The following CAPN8 variants were observed in gnomAD, a reference collection of about 807,000 sequenced individuals.
CAPN8 encodes calpain 8.
A neutral mutation model predicts 80.9 loss-of-function variants in CAPN8; 87 were observed. The ratio of observed to expected loss-of-function variants is 1.07; its 90% CI spans 0.90 to 1.28. CAPN8 has a LOEUF of 1.28. CAPN8 is among the 50% of genes most tolerant of loss of function. The pLI, the probability that CAPN8 is intolerant of heterozygous loss-of-function variation, is 0.00. For missense variants in CAPN8, 757 were observed against 702.0 expected (o/e 1.08, Z -0.89); for synonymous variants, 299 against 273.8 (o/e 1.09, Z -0.91).
intron 9 of CAPN8, among the ~76,000 whole-genome samples, chr1:223,618,710 C>T (rs1657280598): frequency 6.6e-6 from 1 of 152,200 alleles, no homozygotes. Flanking sequence ...GTGGAAAGCA[C>T]GTCCTTTGCG....
At chr1:223,615,229 T>C (rs995261155) in intron 10 of CAPN8, among the ~76,000 whole-genome samples, 7 of 152,240 alleles carry the variant, frequency 4.6e-5, no homozygotes, top group Non-Finnish European at 8.8e-5. Context: ...ATTCCTTTAA[T>C]AAAATTGATT....
chr1:223,617,280 TG>T (rs34694834), intron 9 of CAPN8: 27,026 of 137,288 alleles, frequency 0.2, 2,645 homozygotes, highest in Middle Eastern at 0.26. Context: ...ACTTTTTTTT[TG>T]GGGGGGGGGG....
intron 10 of CAPN8, 68 bp downstream of exon 10, chr1:223,615,902 G>T: frequency 1.3e-6 from 2 of 1,522,862 alleles, no homozygotes; most frequent in South Asian, 1.2e-5. Flanking sequence ...GTGCTACAAT[G>T]ACTGGCCAAG....
intron 20 of CAPN8, among the ~76,000 whole-genome samples, chr1:223,542,269 GTA>G (rs72402922): frequency 0.33 from 50,004 of 150,628 alleles, 8,445 homozygotes; most frequent in African/African-American, 0.4. Context: ...TTCTATATGT[GTA>G]TATATATATA....
At chr1:223,631,136 G>T (rs147671518) in intron 2 of CAPN8, among the ~76,000 whole-genome samples, 1 of 152,068 alleles carries the variant, frequency 6.6e-6, no homozygotes, top group East Asian at 1.9e-4. Context: ...TACCCTGGTC[G>T]TTTTCATTGA....
intron 2 of CAPN8, among the ~76,000 whole-genome samples, chr1:223,641,359 C>CTTT (rs72015720): frequency 1.4e-4 from 21 of 147,440 alleles, no homozygotes; most frequent in Admixed American, 4.0e-4. Context: ...CTGATCAAGC[C>CTTT]TTTTTTTAAA....
chr1:223,623,768 G>A (rs1657473978), intron 6 of CAPN8, among the ~76,000 whole-genome samples: 1 of 152,132 alleles, frequency 6.6e-6, no homozygotes, highest in Admixed American at 6.5e-5. Flanking sequence ...GGCCGAGGTG[G>A]GCAGATCATG....
chr1:223,625,985 G>C lies in CAPN8; in HGVS notation c.730-97C>G. 8.6e-6 allele frequency: 8 copies of C among 925,170 alleles called. No homozygotes were observed. In the South Asian group the frequency reaches 1.1e-4, roughly 13 times the overall value. The allele number at this position is 925,170 out of a possible 1,614,324, so 57.3% of individuals were successfully genotyped here. ...AGGACACACTACACAGCCACTGGGG[G>C]CTTCAGTGTGGGACTAGGGGTGTAG... On this transcript the variant is annotated intron_variant, in intron 5 of 20. Coordinates refer to ENST00000366872, the MANE Select transcript of CAPN8 (RefSeq NM_001143962.2).
chr1:223,554,458 A>C (rs1403322362), intron 13 of CAPN8, among the ~76,000 whole-genome samples: 2 of 152,108 alleles, frequency 1.3e-5, no homozygotes, highest in African/African-American at 4.8e-5. Flanking sequence ...CATTTCTACA[A>C]AAAATACAAA....
intron 6 of CAPN8, 72 bp from the exon 7 acceptor site, chr1:223,622,972 G>T: frequency 2.5e-6 from 3 of 1,196,154 alleles, no homozygotes; most frequent in South Asian, 1.3e-5. Flanking sequence ...GTCTGCACCT[G>T]ACAGGATCTG....
chr1:223,616,633 G>T (rs1013908106), intron 9 of CAPN8, among the ~76,000 whole-genome samples: 1 of 152,168 alleles, frequency 6.6e-6, no homozygotes, highest in South Asian at 2.1e-4. Flanking sequence ...AGGTCTCTCC[G>T]TGACACTATT....
At chr1:223,545,560 G>C (rs1192395480) in intron 16 of CAPN8, among the ~76,000 whole-genome samples, 1 of 152,170 alleles carries the variant, frequency 6.6e-6, no homozygotes, top group Non-Finnish European at 1.5e-5. Flanking sequence ...GCAATATCGT[G>C]AATACCCTAA....
chr1:223,614,775 C>T (rs1045960798), intron 10 of CAPN8, among the ~76,000 whole-genome samples: 1 of 152,212 alleles, frequency 6.6e-6, no homozygotes, highest in Non-Finnish European at 1.5e-5. Context: ...ATAATAGATG[C>T]TCACTACAGT....
chr1:223,619,552 T>C, intron 8 of CAPN8, 99 bp from the exon 9 acceptor site: 2 of 1,296,212 alleles, frequency 1.5e-6, no homozygotes, highest in Non-Finnish European at 2.1e-6. Flanking sequence ...GCACAGGCCC[T>C]AGAGGCCGTG....
In CAPN8 at chr1:223,665,626, A is replaced by G; in HGVS notation, c.21T>C (p.Gly7=). The G allele has an allele frequency of 6.4e-7, 1 of 1,551,406 alleles. No homozygotes were observed. Among genetic ancestry groups the G allele is most frequent in the Non-Finnish European group, 8.7e-7 (1 of 1,146,964 alleles). ...GAGTGGCTGCCCGCTGCCTAGATAC[A>G]CCAGCTGCCTGGGCTGCCATGGCCG... MAAQAA[G]VSRQRAATQG... Residue 7 remains glycine, a synonymous_variant, in exon 1 of 21, where the codon GGT becomes GGC. Coordinates refer to ENST00000366872, the MANE Select transcript of CAPN8 (RefSeq NM_001143962.2).
intron 13 of CAPN8, among the ~76,000 whole-genome samples, chr1:223,555,569 A>G (rs1276549162): frequency 6.6e-6 from 1 of 152,276 alleles, no homozygotes; most frequent in African/African-American, 2.4e-5. Flanking sequence ...TATATCATTC[A>G]TGTAATACAG....
At chr1:223,616,322 C>T (rs1210718915) in intron 9 of CAPN8, among the ~76,000 whole-genome samples, 177 bp from the exon 10 acceptor site, 1 of 152,250 alleles carries the variant, frequency 6.6e-6, no homozygotes, top group East Asian at 1.9e-4. Flanking sequence ...TTTCCTCCTA[C>T]CTTCCTACAC....
chr1:223,648,004 T>C (rs1366653322), intron 2 of CAPN8, among the ~76,000 whole-genome samples: 2 of 152,216 alleles, frequency 1.3e-5, no homozygotes, highest in Non-Finnish European at 2.9e-5. Flanking sequence ...TGAGGGTTCA[T>C]GGAACTCTCC....
chr1:223,657,379 A>C (rs1658524771), intron 1 of CAPN8, among the ~76,000 whole-genome samples: 1 of 151,380 alleles, frequency 6.6e-6, no homozygotes, highest in Non-Finnish European at 1.5e-5. Flanking sequence ...TTGTTTTTAA[A>C]AAAAGAAGGA....
Sources: allele counts gnomAD v4.1 joint callset (sites outside exome capture counted in the v4.1 genomes callset), GRCh38; gene constraint gnomAD v4.1.1; transcripts MANE v1.5; gene names NCBI Gene and HGNC (gene_info 2026-07-23, HGNC 2026-07-21).